CUBN: variants seen among roughly 807,000 people sequenced by gnomAD.
The protein encoded by CUBN is cubilin.
A neutral mutation model predicts 405.3 loss-of-function variants in CUBN; 282 were observed. The observed-to-expected ratio is 0.70, with a 90% CI of 0.63 to 0.77. The LOEUF (loss-of-function observed/expected upper bound fraction) is 0.77, where lower values mean the gene tolerates loss of function less well. Among genes scored for constraint, CUBN ranks in the 30% least tolerant of loss-of-function variants. The pLI, the probability that CUBN is intolerant of heterozygous loss-of-function variation, is 0.00. For synonymous variants in CUBN, 1,684 were observed against 1,617.0 expected, an observed-to-expected ratio of 1.04 and a Z score of -0.99; for missense variants, 4,514 against 4,475.2, an observed-to-expected ratio of 1.01 and a Z score of -0.25.
Position 16,982,580 on chromosome 10 carries a change from G to A in CUBN, c.4599C>T (p.Asn1533=). 1 of 1,613,754 alleles carries A rather than the reference G, an allele frequency of 6.2e-7. No homozygotes were observed. The highest frequency in any genetic ancestry group is 8.5e-7 in the Non-Finnish European group (1 of 1,179,638). The change falls in exon 31 of 67, where the codon AAC becomes AAT. Residue 1533 remains asparagine, a synonymous_variant. Coordinates refer to ENST00000377833, the MANE Select transcript of CUBN (RefSeq NM_001081.4). ...CCCGAATGACCCAAGAACAGTCTGT[G>A]TTGCTCCTATAAGGACTGGGGTAAT... The part of the protein sequence containing the change: ...SPNYPSPYRS[N]TDCSWVIRVD...
rs770489974 is a variant in CUBN at position 17,026,183 on chromosome 10, T to G, written c.4018-6200A>C. The stretch of plus-strand genomic sequence containing the variant: ...CCCAAACAACCACCACAGCAGGATC[T>G]GTGGAGAGGCCTCATTAGGGTGATT... On this transcript the variant is annotated intron_variant, in intron 27 of 66. Coordinates refer to ENST00000377833, the MANE Select transcript of CUBN (RefSeq NM_001081.4). Among the ~76,000 whole-genome samples the G allele has an allele frequency of 3.3e-5, 5 of 152,316 alleles. No homozygotes were observed. In the East Asian group the frequency reaches 7.7e-4, roughly 24 times the overall value.
intron 59 of CUBN, among the ~76,000 whole-genome samples, chr10:16,860,364 C>A (rs1839978910): frequency 1.3e-5 from 2 of 151,980 alleles, no homozygotes; most frequent in East Asian, 3.9e-4. Context: ...TAAATCAGAA[C>A]AAGTAGAAAT....
intron 59 of CUBN, among the ~76,000 whole-genome samples, chr10:16,856,507 A>G (rs951755101): frequency 6.6e-6 from 1 of 152,234 alleles, no homozygotes; most frequent in Admixed American, 6.5e-5. Flanking sequence ...ATTACCTTCC[A>G]ATGACTAAAC....
At position 16,831,379 on chromosome 10, in the gene CUBN, G is replaced by T; in HGVS notation, c.10401C>A (p.Gly3467=). Residue 3467 remains glycine (G), a synonymous_variant, in exon 65 of 67, where the codon GGC becomes GGA. Transcript: ENST00000377833. ...NGSNSNSPLL[G]KYCGTLLPNP... is the part of the protein sequence containing the mutation. The stretch of plus-strand genomic sequence containing the variant: ...TTGGCAGCAGAGTTCCACAGTACTT[G>T]CCCAGTAATGGTGAATTGCTGTTAC... The T allele has an allele frequency of 1.2e-6, 2 of 1,613,970 alleles. No homozygotes were observed. Among genetic ancestry groups the T allele is most frequent in the South Asian group, 1.1e-5 (1 of 91,080 alleles).
chr10:16,905,335 A>G (rs1283285681), intron 50 of CUBN, among the ~76,000 whole-genome samples: 2 of 152,240 alleles, frequency 1.3e-5, no homozygotes, highest in African/African-American at 4.8e-5. Context: ...ACAGAGTTTT[A>G]AAAATTCTTA....
intron 58 of CUBN, among the ~76,000 whole-genome samples, chr10:16,873,192 T>C (rs1006629678): frequency 6.6e-6 from 1 of 152,150 alleles, no homozygotes; most frequent in Non-Finnish European, 1.5e-5. Context: ...ACAATATTAC[T>C]GTCAGAGTTT....
In CUBN at chr10:17,041,017, G is replaced by A. The variant is rs746618767; in HGVS notation, c.4017+16C>T. The A allele has an allele frequency of 6.2e-7, 1 of 1,609,184 alleles. No homozygotes were observed. The highest frequency in any genetic ancestry group is 1.1e-5 in the South Asian group (1 of 90,970). On this transcript the variant is annotated intron_variant, in intron 27 of 66. Coordinates refer to ENST00000377833, the MANE Select transcript of CUBN (RefSeq NM_001081.4). ...ATCTGAAAAAGCAGTGATCAATCAA[G>A]CTTTATAATACATACCTCTAAATAA...
chr10:16,994,064 A>G (rs1403414826), intron 28 of CUBN, among the ~76,000 whole-genome samples: 1 of 152,250 alleles, frequency 6.6e-6, no homozygotes, highest in Non-Finnish European at 1.5e-5. Context: ...GCACACCAAC[A>G]TGGCATATGC....
At chr10:17,013,198 CCT>C (rs939651162) in intron 28 of CUBN, among the ~76,000 whole-genome samples, 3 of 151,910 alleles carry the variant, frequency 2.0e-5, no homozygotes, top group Non-Finnish European at 4.4e-5. Context: ...TTTGTCTCTT[CCT>C]CTCTTTCCTT....
chr10:16,934,187 TCTTA>T (rs1456064442), intron 39 of CUBN, among the ~76,000 whole-genome samples: 1 of 152,320 alleles, frequency 6.6e-6, no homozygotes, highest in African/African-American at 2.4e-5. Flanking sequence ...CAAAAATGAC[TCTTA>T]CTTAGATTCA....
intron 27 of CUBN, 122 bp from the exon 28 acceptor site, chr10:17,020,105 G>A (rs971280490): frequency 4.0e-6 from 4 of 1,004,072 alleles, no homozygotes; most frequent in Non-Finnish European, 6.2e-6. Context: ...ATCTGCTGAG[G>A]TGGGTTGAGT....
Position 17,033,103 on chromosome 10 carries a change from A to C in CUBN, c.4017+7930T>G, listed in dbSNP as rs561583454. 1.2e-4 allele frequency among the ~76,000 whole-genome samples: 19 copies of C among 152,258 alleles called. No homozygotes were observed. In the South Asian group the frequency reaches 3.7e-3, roughly 30 times the overall value. On this transcript the variant is annotated intron_variant, in intron 27 of 66. Coordinates refer to ENST00000377833, the MANE Select transcript of CUBN (RefSeq NM_001081.4). ...CAGAGTGATTGTTTTAAAAGTGCAG[A>C]TCTGACCACATCCTTGAAAGACCTC...
chr10:16,979,880 G>A (rs1474173364), intron 31 of CUBN, among the ~76,000 whole-genome samples: 1 of 152,098 alleles, frequency 6.6e-6, no homozygotes, highest in African/African-American at 2.4e-5. Flanking sequence ...CATAGCAAAA[G>A]AAACTATCAC....
chr10:16,974,525 G>C (rs567217139), intron 31 of CUBN, among the ~76,000 whole-genome samples: 1 of 130,066 alleles, frequency 7.7e-6, no homozygotes, highest in South Asian at 2.6e-4. Flanking sequence ...CCGAGTTCCC[G>C]CCATGCCTGG....
intron 60 of CUBN, among the ~76,000 whole-genome samples, chr10:16,846,232 G>A (rs1564382501): frequency 1.3e-5 from 2 of 152,146 alleles, no homozygotes; most frequent in African/African-American, 4.8e-5. Flanking sequence ...CTTGCAGATG[G>A]TGATGCTGCT....
intron 27 of CUBN, among the ~76,000 whole-genome samples, chr10:17,022,134 G>A (rs1834517042): frequency 6.6e-6 from 1 of 152,184 alleles, no homozygotes; most frequent in African/African-American, 2.4e-5. Flanking sequence ...GACCCTTTGT[G>A]CCACTCCGTA....
Position 16,954,379 on chromosome 10 carries a change from G to T in CUBN, c.4855+10C>A. ...TCTCTTGTGCCTGGGAAGATCCACA[G>T]GGTACTTGCCTTGCCTGAATTGAGC... On this transcript the variant is annotated intron_variant, in intron 32 of 66. Transcript: ENST00000377833. 1.2e-6 allele frequency: 2 copies of T among 1,614,038 alleles called. No individual in the cohort carries two copies. The highest frequency in any genetic ancestry group is 1.7e-6 in the Non-Finnish European group (2 of 1,179,950).
At chr10:16,965,028 T>C (rs1843346968) in intron 31 of CUBN, among the ~76,000 whole-genome samples, 1 of 152,216 alleles carries the variant, frequency 6.6e-6, no homozygotes, top group Admixed American at 6.5e-5. Flanking sequence ...GCCGGAAGCA[T>C]GTACCCAACG....
intron 28 of CUBN, among the ~76,000 whole-genome samples, chr10:17,008,429 C>CGTGTGTGTGTGTGTGTGTGT (rs59235819): frequency 1.5e-5 from 2 of 131,534 alleles, no homozygotes; most frequent in South Asian, 2.7e-4. Context: ...AATCCCTGCT[C>CGTGTGTGTGTGTGTGTGTGT]GTGTGTGTGT....
Sources: gnomAD v4.1 joint callset for allele counts (sites outside exome capture counted in the v4.1 genomes callset) on GRCh38, gnomAD v4.1.1 for gene constraint, MANE v1.5 for transcripts, NCBI Gene and HGNC (gene_info 2026-07-23, HGNC 2026-07-21) for gene names.